CABP5: variants seen among roughly 807,000 people sequenced by gnomAD.
The protein encoded by CABP5 is calcium binding protein 5.
In CABP5, 17 loss-of-function variants were observed where a neutral mutation model predicts 21.9. The ratio of observed to expected loss-of-function variants is 0.78; its 90% confidence interval spans 0.53 to 1.17. The LOEUF (loss-of-function observed/expected upper bound fraction) is 1.17. CABP5 is among the 50% of genes most tolerant of loss of function. The pLI is 0.00. For synonymous variants in CABP5, 85 were observed against 79.4 expected, an observed-to-expected ratio of 1.07 and a Z score of -0.37; for missense variants, 229 against 228.9, an observed-to-expected ratio of 1.00 and a Z score of 0.00.
At position 48,040,817 on chromosome 19, in the gene CABP5, C is replaced by T. The variant is rs1025290711; in HGVS notation, c.95-69G>A. The T allele has an allele frequency of 7.0e-5, 106 of 1,510,248 alleles. 1 individual carries two copies. The Admixed American group carries it at 1.7e-3, about 25-fold the overall frequency. The allele number at this position is 1,510,248 out of a possible 1,614,324, so 93.6% of individuals were successfully genotyped here. A position where few individuals can be genotyped will look rare whatever the true frequency, so the allele number is the denominator to read the frequency against. On this transcript the variant is annotated intron_variant, in intron 2 of 5. Coordinates refer to ENST00000293255, the MANE Select transcript of CABP5 (RefSeq NM_019855.5). ...TGGGGAAGAGTGGCATCTCTTGAAG[C>T]TATCAATGAGGCTCCAACTAGAGAC...
chr19:48,041,367 C>T (rs183404364), intron 2 of CABP5: 5 of 592,110 alleles, frequency 8.4e-6, no homozygotes, highest in Admixed American at 6.9e-5. Flanking sequence ...CTTGGAGATA[C>T]TTGAGGATGG....
intron 4 of CABP5, 64 bp from the exon 5 acceptor site, chr19:48,034,426 G>A (rs1967381789): frequency 1.5e-6 from 2 of 1,291,354 alleles, no homozygotes; most frequent in Non-Finnish European, 2.0e-6. Context: ...AGATGATGGA[G>A]TTTACCTATC....
chr19:48,033,158 C>T (rs1443935443), intron 5 of CABP5, among the ~76,000 whole-genome samples: 2 of 151,974 alleles, frequency 1.3e-5, no homozygotes, highest in Admixed American at 6.6e-5. Context: ...CCTGCCACCA[C>T]TTCCGGCTAA....
chr19:48,036,699 G>A (rs1967412180), intron 4 of CABP5, among the ~76,000 whole-genome samples: 1 of 151,588 alleles, frequency 6.6e-6, no homozygotes, highest in Admixed American at 6.6e-5. Flanking sequence ...GGCAAAAGAC[G>A]TGAACAGCCA....
intron 4 of CABP5, among the ~76,000 whole-genome samples, 157 bp downstream of exon 4, chr19:48,039,051 A>G (rs1967446559): frequency 6.6e-6 from 1 of 151,874 alleles, no homozygotes; most frequent in Admixed American, 6.6e-5. Flanking sequence ...TGTTTGGAAT[A>G]CGTTATTTTT....
intron 1 of CABP5, among the ~76,000 whole-genome samples, chr19:48,042,608 T>C (rs1304437659): frequency 6.7e-6 from 1 of 150,340 alleles, no homozygotes; most frequent in Non-Finnish European, 1.5e-5. Flanking sequence ...ACAGTCTCGC[T>C]CTGTCACCCA....
chr19:48,030,867 C>T (rs975949267), intron 5 of CABP5, among the ~76,000 whole-genome samples: 3 of 151,942 alleles, frequency 2.0e-5, no homozygotes, highest in Non-Finnish European at 2.9e-5. Flanking sequence ...GTGGCTCACG[C>T]CTGTAATCCC....
chr19:48,030,259 G>A lies in CABP5; in HGVS notation c.*298C>T. The A allele has an allele frequency of 2.6e-6, 1 of 382,918 alleles. No homozygotes were observed. Among genetic ancestry groups the A allele is most frequent in the South Asian group, 7.0e-5 (1 of 14,262 alleles). 23.7% of individuals were successfully genotyped at this position (382,918 alleles called of 1,614,324 possible). Reference sequence around the variant, plus strand: ...AGGTCACAGGGACTTAGGACTACGTGAAGTGAAAAGATGTCAAGAATCATT... The same window carrying A: ...AGGTCACAGGGACTTAGGACTACGTAAAGTGAAAAGATGTCAAGAATCATT... On this transcript the variant is annotated 3_prime_UTR_variant, in exon 6 of 6. Coordinates refer to ENST00000293255, the MANE Select transcript of CABP5 (RefSeq NM_019855.5).
chr19:48,034,519 TG>T (rs1273499894), intron 4 of CABP5, among the ~76,000 whole-genome samples, 157 bp from the exon 5 acceptor site: 2 of 131,580 alleles, frequency 1.5e-5, no homozygotes, highest in Non-Finnish European at 3.5e-5. Context: ...AGTTTTGTTC[TG>T]TTTTTTTTTT....
chr19:48,031,262 G>A (rs1016607213), intron 5 of CABP5, among the ~76,000 whole-genome samples: 12 of 152,058 alleles, frequency 7.9e-5, no homozygotes, highest in Admixed American at 3.9e-4. Context: ...ATTGTTGGCC[G>A]GGCGCGGTGG....
chr19:48,030,036 T>A lies in CABP5; in HGVS notation c.*521A>T, dbSNP rs1403495526. 6.5e-6 allele frequency: 1 copy of A among 153,024 alleles called. No homozygotes were observed. Among genetic ancestry groups the A allele is most frequent in the East Asian group, 1.9e-4 (1 of 5,238 alleles). 9.5% of individuals were successfully genotyped at this position (153,024 alleles called of 1,614,324 possible). A position where few individuals can be genotyped will look rare whatever the true frequency, so the allele number is the denominator to read the frequency against. On this transcript the variant is annotated 3_prime_UTR_variant, in exon 6 of 6. Transcript: ENST00000293255. ...GGTTTTGTTACATGGATATATTGCGTAGTGGTGAAGTCTGGGCTGTTCATG... is the reference window on the plus strand; with the variant it reads ...GGTTTTGTTACATGGATATATTGCGAAGTGGTGAAGTCTGGGCTGTTCATG...
rs77128495 is a variant in CABP5 at position 48,030,443 on chromosome 19, C to T, written c.*114G>A. The T allele has an allele frequency of 0.097, 107,253 of 1,101,356 alleles. 5,509 individuals carry two copies. Among genetic ancestry groups the T allele is most frequent in the South Asian group, 0.11 (7,898 of 70,016 alleles). The allele number at this position is 1,101,356 out of a possible 1,614,324, so 68.2% of individuals were successfully genotyped here. A position where few individuals can be genotyped will look rare whatever the true frequency, so the allele number is the denominator to read the frequency against. On this transcript the variant is annotated 3_prime_UTR_variant, in exon 6 of 6. Coordinates refer to ENST00000293255, the MANE Select transcript of CABP5 (RefSeq NM_019855.5). ...CGCCGCATGCCAATGCCCTCCCTCC[C>T]GCCTGCCCTCCCTCTCTGCTTTAAG...
chr19:48,034,341 C>A lies in CABP5; in HGVS notation c.370G>T (p.Glu124Ter), dbSNP rs1404836370. ...FKEFDTNGDG[E>*]ITLVELQQAM... is the part of the protein sequence containing the mutation. ...TGCTGTAGCTCCACCAGGGTGATCTCCCCATCTCCATTCGTGTCAAACTGA... is the reference window on the plus strand; with the variant it reads ...TGCTGTAGCTCCACCAGGGTGATCTACCCATCTCCATTCGTGTCAAACTGA... The change falls in exon 5 of 6, where the codon GAG becomes TAG. Residue 124 changes from glutamate (E) to a stop codon, truncating the protein, a stop_gained. Transcript: ENST00000293255. LOFTEE classifies it high-confidence loss of function. The A allele has an allele frequency of 1.9e-6, 3 of 1,578,472 alleles. No individual in the cohort carries two copies. The highest frequency in any genetic ancestry group is 2.6e-6 in the Non-Finnish European group (3 of 1,163,980).
chr19:48,032,358 G>A (rs920366726), intron 5 of CABP5, among the ~76,000 whole-genome samples: 3 of 147,146 alleles, frequency 2.0e-5, no homozygotes, highest in Non-Finnish European at 3.0e-5. Flanking sequence ...TTCTGGAGAC[G>A]GAGTCTCGCT....
At chr19:48,041,710 C>T in intron 1 of CABP5, 107 bp from the exon 2 acceptor site, 2 of 986,432 alleles carry the variant, frequency 2.0e-6, no homozygotes, top group Non-Finnish European at 1.5e-6. Flanking sequence ...GGTTCTCTTT[C>T]CATTCTCTCT....
In CABP5 at chr19:48,040,057, T is replaced by TCATAACTTATAGGG. The variant is rs559513649; in HGVS notation, c.238+547_238+548insCCCTATAAGTTATG. ...TTTTATTCTAGCTAAAATCTAAAAATCAGTTATGATCTCCATCCAAAAATC... is the reference window on the plus strand; with the variant it reads ...TTTTATTCTAGCTAAAATCTAAAAATCATAACTTATAGGGCAGTTATGATCTCCATCCAAAAATC... On this transcript the variant is annotated intron_variant, in intron 3 of 5. Transcript: ENST00000293255. Among the ~76,000 whole-genome samples the TCATAACTTATAGGG allele has an allele frequency of 8.0e-3, 1,222 of 152,206 alleles. 12 individuals are homozygous for TCATAACTTATAGGG. Among genetic ancestry groups the TCATAACTTATAGGG allele is most frequent in the Non-Finnish European group, 0.013 (867 of 68,010 alleles).
chr19:48,038,794 T>A (rs1001232023), intron 4 of CABP5, among the ~76,000 whole-genome samples: 6 of 151,760 alleles, frequency 4.0e-5, no homozygotes, highest in African/African-American at 1.5e-4. Flanking sequence ...ACCATTGCAC[T>A]CCAGCCTGGG....
At chr19:48,030,646 T>C (rs781260903) in intron 5 of CABP5, 64 bp from the exon 6 acceptor site, 1 of 1,550,834 alleles carries the variant, frequency 6.4e-7, no homozygotes, top group East Asian at 2.2e-5. Flanking sequence ...ACATTATTTT[T>C]TGAGCCCTTC....
intron 2 of CABP5, 38 bp downstream of exon 2, chr19:48,041,535 G>A (rs1304064823): frequency 8.7e-6 from 14 of 1,608,280 alleles, no homozygotes; most frequent in African/African-American, 1.3e-5. Context: ...CAGGTGGGTG[G>A]ATGGCAACGT....
Sources: allele counts gnomAD v4.1 joint callset (sites outside exome capture counted in the v4.1 genomes callset), GRCh38; gene constraint gnomAD v4.1.1; transcripts MANE v1.5; gene names NCBI Gene and HGNC (gene_info 2026-07-23, HGNC 2026-07-21).